Variants in WFDC10B observed in about 807,000 individuals in gnomAD.
The protein encoded by WFDC10B is protein WFDC10B.
Under a neutral mutation model 2.7 loss-of-function variants are expected in WFDC10B, and 1 was observed. The observed-to-expected ratio is 0.38, with a 90% CI of 0.13 to 1.79. The LOEUF (loss-of-function observed/expected upper bound fraction) is 1.79, where lower values mean the gene tolerates loss of function less well. Among genes scored for constraint, WFDC10B ranks in the 40% most tolerant of loss-of-function variants. WFDC10B has a pLI of 0.33. For synonymous variants in WFDC10B, 26 were observed against 32.2 expected, an observed-to-expected ratio of 0.81 and a Z score of 0.65; for missense variants, 71 against 87.8, an observed-to-expected ratio of 0.81 and a Z score of 0.76.
At chr20:45,691,182 T>G (rs935259122) in intron 2 of WFDC10B, among the ~76,000 whole-genome samples, 1 of 152,232 alleles carries the variant, frequency 6.6e-6, no homozygotes, top group Non-Finnish European at 1.5e-5. Flanking sequence ...CTAGTTTGAT[T>G]GCACTGTGAT....
chr20:45,687,669 A>G (rs1392064774), intron 2 of WFDC10B, among the ~76,000 whole-genome samples: 1 of 152,146 alleles, frequency 6.6e-6, no homozygotes, highest in Non-Finnish European at 1.5e-5. Context: ...CCTCAACAGC[A>G]TCTGTAGTTT....
intron 2 of WFDC10B, among the ~76,000 whole-genome samples, chr20:45,699,198 G>A (rs553875842): frequency 3.3e-5 from 5 of 152,234 alleles, no homozygotes; most frequent in South Asian, 2.1e-4. Context: ...TTGTTCAGCC[G>A]CTGTGGGAAG....
intron 2 of WFDC10B, among the ~76,000 whole-genome samples, chr20:45,700,904 C>T (rs892728498): frequency 6.6e-6 from 1 of 152,112 alleles, no homozygotes; most frequent in Non-Finnish European, 1.5e-5. Context: ...CTGAAGAGAA[C>T]ACACAAAGAA....
intron 2 of WFDC10B, among the ~76,000 whole-genome samples, chr20:45,690,252 T>C (rs1983766731): frequency 1.3e-5 from 2 of 149,492 alleles, no homozygotes; most frequent in South Asian, 2.1e-4. Flanking sequence ...TAGTATTTTA[T>C]TGAGGATTTT....
intron 2 of WFDC10B, among the ~76,000 whole-genome samples, chr20:45,702,754 C>CA (rs1335540236): frequency 1.3e-5 from 2 of 152,198 alleles, no homozygotes; most frequent in African/African-American, 4.8e-5. Flanking sequence ...ATCAATGGGA[C>CA]AGTGTAGAGT....
chr20:45,696,420 G>C (rs1045268538), intron 2 of WFDC10B, among the ~76,000 whole-genome samples: 1 of 151,726 alleles, frequency 6.6e-6, no homozygotes, highest in African/African-American at 2.4e-5. Context: ...CAGAAAAATG[G>C]AATAGGAAAT....
chr20:45,701,074 C>A (rs1984139327), intron 2 of WFDC10B, among the ~76,000 whole-genome samples: 1 of 152,198 alleles, frequency 6.6e-6, no homozygotes, highest in African/African-American at 2.4e-5. Flanking sequence ...GATTGCCAGA[C>A]CCTTTTTGGT....
intron 2 of WFDC10B, among the ~76,000 whole-genome samples, chr20:45,695,956 T>C (rs972543345): frequency 1.3e-5 from 2 of 151,470 alleles, no homozygotes; most frequent in African/African-American, 4.9e-5. Flanking sequence ...AAAGTAGTTC[T>C]CAGGGTAGAA....
chr20:45,701,257 C>T (rs1984146334), intron 2 of WFDC10B, among the ~76,000 whole-genome samples: 1 of 152,022 alleles, frequency 6.6e-6, no homozygotes, highest in African/African-American at 2.4e-5. Context: ...GGTTCTGAGT[C>T]CTACATTGAT....
chr20:45,686,001 C>T lies in WFDC10B; in HGVS notation c.-9G>A, dbSNP rs1208636349. 7 of 1,613,590 alleles carry T rather than the reference C, an allele frequency of 4.3e-6. No individual in the cohort carries two copies. The highest frequency in any genetic ancestry group is 2.7e-5 in the African/African-American group (2 of 75,052). ...AGAGTCTGGGGTGCCATAACTCTGACCAGAGCGTGAGCCCTAAGTCTGGCC... is the reference window on the plus strand; with the variant it reads ...AGAGTCTGGGGTGCCATAACTCTGATCAGAGCGTGAGCCCTAAGTCTGGCC... On this transcript the variant is annotated 5_prime_UTR_variant, in exon 3 of 4. The change creates a premature stop within an existing upstream ORF in the 5' untranslated region. Transcript: ENST00000330523.
At chr20:45,701,993 G>A in intron 2 of WFDC10B, 3 of 774,950 alleles carry the variant, frequency 3.9e-6, no homozygotes, top group Non-Finnish European at 6.4e-6. Flanking sequence ...GGTTTTGATT[G>A]GAGTACACGG....
At chr20:45,693,780 C>T (rs1983895528) in intron 2 of WFDC10B, among the ~76,000 whole-genome samples, 1 of 152,228 alleles carries the variant, frequency 6.6e-6, no homozygotes, top group African/African-American at 2.4e-5. Flanking sequence ...CTTGCGCTTC[C>T]CGAGTGAGGC....
At chr20:45,692,522 G>A (rs926116813) in intron 2 of WFDC10B, among the ~76,000 whole-genome samples, 4 of 152,122 alleles carry the variant, frequency 2.6e-5, no homozygotes, top group African/African-American at 7.2e-5. Context: ...TTTCTTGGAG[G>A]CTTTGTTCAT....
chr20:45,701,814 C>T (rs1444566947), intron 2 of WFDC10B, among the ~76,000 whole-genome samples: 2 of 149,460 alleles, frequency 1.3e-5, no homozygotes, highest in African/African-American at 4.9e-5. Context: ...ATAACATGTA[C>T]AATTTCCACA....
Position 45,704,512 on chromosome 20 carries a change from G to A in WFDC10B, c.-80C>T. ...CTGTACTCACCTGTGTACAATGCAG[G>A]AAGATTGCGAGAAAGGATTTCAGTG... On this transcript the variant is annotated 5_prime_UTR_variant, in exon 2 of 4. Coordinates refer to ENST00000330523, the MANE Select transcript of WFDC10B (RefSeq NM_172006.2). 1 of 1,614,158 alleles carries A rather than the reference G, an allele frequency of 6.2e-7. No homozygotes were observed. The highest frequency in any genetic ancestry group is 8.5e-7 in the Non-Finnish European group (1 of 1,180,022).
chr20:45,687,389 T>C (rs1160793309), intron 2 of WFDC10B, among the ~76,000 whole-genome samples: 1 of 152,268 alleles, frequency 6.6e-6, no homozygotes, highest in Admixed American at 6.5e-5. Flanking sequence ...ATATGTACCA[T>C]ATTTTCTTTA....
chr20:45,702,718 G>T (rs906184440), intron 2 of WFDC10B, among the ~76,000 whole-genome samples: 3 of 152,146 alleles, frequency 2.0e-5, no homozygotes, highest in African/African-American at 7.2e-5. Context: ...AACTCCAGAG[G>T]TACTGTACAA....
At chr20:45,694,376 A>G (rs1983919066) in intron 2 of WFDC10B, among the ~76,000 whole-genome samples, 1 of 152,234 alleles carries the variant, frequency 6.6e-6, no homozygotes, top group South Asian at 2.1e-4. Context: ...AAGAGCTGTG[A>G]TTATTATATT....
chr20:45,698,177 T>C (rs1600962720), intron 2 of WFDC10B, among the ~76,000 whole-genome samples: 1 of 152,320 alleles, frequency 6.6e-6, no homozygotes, highest in East Asian at 1.9e-4. Flanking sequence ...GAGAGTGCCT[T>C]GTTGGCTGTG....
Sources: allele counts gnomAD v4.1 joint callset (sites outside exome capture counted in the v4.1 genomes callset), GRCh38; gene constraint gnomAD v4.1.1; transcripts MANE v1.5; gene names NCBI Gene and HGNC (gene_info 2026-07-23, HGNC 2026-07-21).